The following DNAJC11 variants were observed in gnomAD, a reference collection of about 807,000 sequenced individuals.
The protein encoded by DNAJC11 is dnaJ homolog subfamily C member 11.
Under a neutral mutation model 78.6 loss-of-function variants are expected in DNAJC11, and 15 were observed. The ratio of observed to expected loss-of-function variants is 0.19; its 90% CI spans 0.13 to 0.29. DNAJC11 has a LOEUF of 0.29. Among genes scored for constraint, DNAJC11 ranks in the 10% least tolerant of loss-of-function variants. The pLI is 1.00. For synonymous variants in DNAJC11, 292 were observed against 272.1 expected (o/e 1.07, Z -0.72); for missense variants, 547 against 709.6 (o/e 0.77, Z 2.60).
intron 4 of DNAJC11, among the ~76,000 whole-genome samples, chr1:6,656,773 GC>G (rs983300030): frequency 7.4e-5 from 11 of 148,590 alleles, no homozygotes; most frequent in African/African-American, 2.5e-4. Context: ...GGTGGTATCC[GC>G]CTGTGGTCCC....
rs570732967 is a variant in DNAJC11 at position 6,653,225 on chromosome 1, G to T, written c.508-274C>A. Among the ~76,000 whole-genome samples, 4 of 152,276 alleles carry T rather than the reference G, an allele frequency of 2.6e-5. No individual in the cohort carries two copies. The South Asian group carries it at 8.3e-4, about 32-fold the overall frequency. On this transcript the variant is annotated intron_variant, in intron 5 of 15. Transcript: ENST00000377577. The surrounding 1 kb of genome is among the most constrained non-coding windows in gnomAD (Gnocchi z 4.5). ...AAACATGGGGCTGCATGTCCCAATG[G>T]TATCAGATAGCACAGTGACTTCACT... is the stretch of plus-strand genomic sequence containing the variant.
At position 6,680,082 on chromosome 1, in the gene DNAJC11, A is replaced by G. The variant is rs970538430; in HGVS notation, c.202+826T>C. Among the ~76,000 whole-genome samples, 8 of 152,378 alleles carry G rather than the reference A, an allele frequency of 5.3e-5. No homozygotes were observed. The highest frequency in any genetic ancestry group is 1.9e-4 in the African/African-American group (8 of 41,596). On this transcript the variant is annotated intron_variant, in intron 2 of 15. Transcript: ENST00000377577. The surrounding 1 kb of genome is among the most constrained non-coding windows in gnomAD (Gnocchi z 4.0). ...AGTGAGATGACTTTATGATTTTATAAAGAAACATATTATCTAATTTTTGGT... is the reference window on the plus strand; with the variant it reads ...AGTGAGATGACTTTATGATTTTATAGAGAAACATATTATCTAATTTTTGGT...
At chr1:6,665,699 C>G (rs1049968696) in intron 4 of DNAJC11, among the ~76,000 whole-genome samples, 3 of 152,168 alleles carry the variant, frequency 2.0e-5, no homozygotes, top group Admixed American at 1.3e-4. Flanking sequence ...CAATAAGCAA[C>G]TGCCACACAC....
intron 2 of DNAJC11, among the ~76,000 whole-genome samples, chr1:6,679,417 A>T (rs1439972085): frequency 6.6e-6 from 1 of 152,192 alleles, no homozygotes; most frequent in African/African-American, 2.4e-5. Flanking sequence ...TGTTCAAACG[A>T]TATCCCAACT....
chr1:6,645,754 C>A lies in DNAJC11; in HGVS notation c.894+35G>T, dbSNP rs1324154311. 1 of 1,607,494 alleles carries A rather than the reference C, an allele frequency of 6.2e-7. No homozygotes were observed. The highest frequency in any genetic ancestry group is 8.5e-7 in the Non-Finnish European group (1 of 1,174,934). ...CTTGGGAGGAGGGGTCCTCCCAGAG[C>A]TCTGTCTGCAGGAGATGATGGCTGC... On this transcript the variant is annotated intron_variant, in intron 8 of 15. Transcript: ENST00000377577. The surrounding 1 kb of genome is among the most constrained non-coding windows in gnomAD (Gnocchi z 4.1).
intron 3 of DNAJC11, among the ~76,000 whole-genome samples, chr1:6,668,398 G>A (rs1431482645): frequency 2.0e-5 from 3 of 152,138 alleles, no homozygotes; most frequent in Non-Finnish European, 2.9e-5. Context: ...CTCGGCCTCC[G>A]GAAGTGCTGG....
chr1:6,697,372 T>C (rs1419578642), intron 1 of DNAJC11, among the ~76,000 whole-genome samples: 2 of 152,180 alleles, frequency 1.3e-5, no homozygotes, highest in African/African-American at 4.8e-5. Flanking sequence ...GAAGATAATT[T>C]TTCCACAGAC....
intron 7 of DNAJC11, among the ~76,000 whole-genome samples, chr1:6,647,516 A>G (rs1641984023): frequency 6.6e-6 from 1 of 152,020 alleles, no homozygotes; most frequent in Non-Finnish European, 1.5e-5. Context: ...TGGCCACTAT[A>G]TATTAAGAAA....
At position 6,637,307 on chromosome 1, in the gene DNAJC11, A is replaced by T. The variant is rs1040870297; in HGVS notation, c.1415T>A (p.Phe472Tyr). 1.9e-6 allele frequency: 3 copies of T among 1,614,172 alleles called. No homozygotes were observed. In the African/African-American group the frequency reaches 4.0e-5, roughly 22 times the overall value. ...GCTCTTCCTGCTCTTGTCATTGACA[A>T]ACTTCCCGTACCAGGCATTGACGAT... is the stretch of plus-strand genomic sequence containing the variant. ...LIIVNAWYGK[F>Y]VNDKSRKSEK... Residue 472 changes from phenylalanine (F) to tyrosine (Y), a missense_variant, in exon 14 of 16, where the codon TTT becomes TAT. By Grantham distance (22) the Phe-to-Tyr change is conservative. Transcript: ENST00000377577.
intron 3 of DNAJC11, among the ~76,000 whole-genome samples, chr1:6,675,318 A>G (rs1283050263): frequency 2.0e-5 from 3 of 150,264 alleles, no homozygotes; most frequent in African/African-American, 7.3e-5. Flanking sequence ...ATTCTGATCT[A>G]TGAGAACCTG....
In DNAJC11 at chr1:6,636,189, G is replaced by C. The variant is rs772988823; in HGVS notation, c.1582C>G (p.Leu528Val). ...TGCAGGACGCCCCGGAACTGATAGA[G>C]CACTTTCAGGTTCTTCTCTTCCCCC... ...CVGEEKNLKVLYQFRGVLHQV... is the reference protein window; with the variant it reads ...CVGEEKNLKVVYQFRGVLHQV... Residue 528 changes from leucine to valine, a missense_variant, in exon 15 of 16, where the codon CTC (leucine) becomes GTC (valine). Physicochemically the swap from Leu to Val is conservative, Grantham distance 32. Coordinates refer to ENST00000377577, the MANE Select transcript of DNAJC11 (RefSeq NM_018198.4). 5.6e-6 allele frequency: 9 copies of C among 1,614,040 alleles called. No homozygotes were observed. The Admixed American group carries it at 1.5e-4, about 27-fold the overall frequency.
intron 1 of DNAJC11, among the ~76,000 whole-genome samples, chr1:6,690,719 T>A (rs1433497337): frequency 6.6e-6 from 1 of 151,780 alleles, no homozygotes; most frequent in Non-Finnish European, 1.5e-5. Context: ...GGTCAGGAGA[T>A]CGAGACCATC....
rs568252314 is a variant in DNAJC11, at chr1:6,660,267, C to T, written c.379-6228G>A. Among the ~76,000 whole-genome samples, 270 of 151,554 alleles carry T rather than the reference C, an allele frequency of 1.8e-3. 2 individuals carry two copies. Among genetic ancestry groups the T allele is most frequent in the African/African-American group, 6.2e-3 (256 of 41,374 alleles). On this transcript the variant is annotated intron_variant, in intron 4 of 15. Transcript: ENST00000377577. ...TGCCTCCCAGGTTCAAGTGATTCTC[C>T]TGCCTTAGCCTCCCAAATAGCTGTG...
intron 1 of DNAJC11, among the ~76,000 whole-genome samples, chr1:6,681,505 C>G (rs1642551960): frequency 6.6e-6 from 1 of 152,214 alleles, no homozygotes; most frequent in Non-Finnish European, 1.5e-5. Context: ...GTAAGGCCCA[C>G]GTGCACTCGA....
intron 10 of DNAJC11, among the ~76,000 whole-genome samples, chr1:6,640,699 G>A (rs978299019): frequency 6.6e-6 from 1 of 152,116 alleles, no homozygotes; most frequent in African/African-American, 2.4e-5. Context: ...GGGCGTGGTG[G>A]TACCTGTCTG....
At chr1:6,677,627 T>TA (rs951621313) in intron 3 of DNAJC11, among the ~76,000 whole-genome samples, 3 of 152,182 alleles carry the variant, frequency 2.0e-5, no homozygotes, top group African/African-American at 7.2e-5. Flanking sequence ...GATACCTATA[T>TA]ATCCCTGTAG....
intron 3 of DNAJC11, among the ~76,000 whole-genome samples, chr1:6,676,896 A>T: frequency 6.6e-6 from 1 of 151,662 alleles, no homozygotes; most frequent in East Asian, 2.0e-4. Context: ...AACTTTGGCC[A>T]GGTGTGGTGG....
intron 11 of DNAJC11, 98 bp from the exon 12 acceptor site, chr1:6,638,462 T>C: frequency 8.9e-7 from 1 of 1,126,186 alleles, no homozygotes; most frequent in Admixed American, 2.4e-5. Flanking sequence ...CAGCAAACAG[T>C]CTGTGATCTT....
intron 1 of DNAJC11, among the ~76,000 whole-genome samples, chr1:6,700,165 C>T (rs1412903781): frequency 6.6e-6 from 1 of 152,152 alleles, no homozygotes; most frequent in Non-Finnish European, 1.5e-5. Flanking sequence ...GATATTCCGC[C>T]CTTAAGAAGG....
Sources: gnomAD v4.1 joint callset for allele counts (sites outside exome capture counted in the v4.1 genomes callset) on GRCh38, gnomAD v4.1.1 for gene constraint, Gnocchi (gnomAD v3.1) non-coding constraint, MANE v1.5 for transcripts, NCBI Gene and HGNC (gene_info 2026-07-23, HGNC 2026-07-21) for gene names.